The following SORCS2 variants were observed in gnomAD, a reference collection of about 807,000 sequenced individuals.
The protein encoded by SORCS2 is sortilin related VPS10 domain containing receptor 2, also known as VPS10 domain-containing receptor SorCS2.
In SORCS2, 100 loss-of-function variants were observed where a neutral mutation model predicts 141.6. The ratio of observed to expected loss-of-function variants is 0.71; its 90% confidence interval spans 0.60 to 0.83. The LOEUF (loss-of-function observed/expected upper bound fraction) is 0.83. Ranked by LOEUF, SORCS2 falls within the 40% of genes least tolerant of loss-of-function variation. The pLI, the probability that SORCS2 is intolerant of heterozygous loss-of-function variation, is 0.00. For synonymous variants in SORCS2, 789 were observed against 676.9 expected, an observed-to-expected ratio of 1.17 and a Z score of -2.57; for missense variants, 1,646 against 1,560.2, an observed-to-expected ratio of 1.05 and a Z score of -0.93.
At chr4:7,698,853 G>GTT (rs758636989) in intron 12 of SORCS2, among the ~76,000 whole-genome samples, 4,335 of 149,548 alleles carry the variant, frequency 0.029, 103 homozygotes, top group Middle Eastern at 0.058. Flanking sequence ...GCTCCTGTGG[G>GTT]TTTTTTTTTA....
rs1285376352 is a variant in SORCS2 at position 7,255,878 on chromosome 4, G to A, written c.480+62752G>A. On this transcript the variant is annotated intron_variant, in intron 1 of 26. Coordinates refer to ENST00000507866, the MANE Select transcript of SORCS2 (RefSeq NM_020777.3). ...CCGGGGCTGGAGCGTGGGGCCCCGG[G>A]GCTGGAGCGTGGGGACCCGGGGCTG... 6.5e-5 allele frequency among the ~76,000 whole-genome samples: 3 copies of A among 46,112 alleles called. No homozygotes were observed. In the East Asian group the frequency reaches 1.4e-3, roughly 22 times the overall value. The allele number at this position is 46,112 out of a possible 152,430, so 30.3% of individuals were successfully genotyped here.
chr4:7,281,305 T>A (rs1255085229), intron 1 of SORCS2, among the ~76,000 whole-genome samples: 2 of 152,136 alleles, frequency 1.3e-5, no homozygotes, highest in African/African-American at 4.8e-5. Flanking sequence ...CCATCTCCGC[T>A]TGTCGGTGAT....
At chr4:7,716,341 C>T (rs935723527) in intron 17 of SORCS2, among the ~76,000 whole-genome samples, 1 of 152,176 alleles carries the variant, frequency 6.6e-6, no homozygotes, top group Admixed American at 6.5e-5. Context: ...TGCAATCACT[C>T]GTTCATCTCC....
chr4:7,723,000 A>G (rs1014019155), intron 18 of SORCS2, among the ~76,000 whole-genome samples: 23 of 152,092 alleles, frequency 1.5e-4, no homozygotes, highest in Non-Finnish European at 7.4e-5. Context: ...ATCATGAGCC[A>G]TAAATCGAAG....
intron 1 of SORCS2, among the ~76,000 whole-genome samples, chr4:7,269,265 T>C (rs1421702337): frequency 6.6e-6 from 1 of 152,196 alleles, no homozygotes; most frequent in East Asian, 1.9e-4. Context: ...ACAGCAAAGG[T>C]CCTGAGTGAG....
chr4:7,704,313 T>TG, intron 14 of SORCS2, 29 bp downstream of exon 14: 2 of 1,575,292 alleles, frequency 1.3e-6, no homozygotes, highest in Non-Finnish European at 1.7e-6. Context: ...GAGTGGGCAC[T>TG]GGTGGCAGGG....
intron 1 of SORCS2, among the ~76,000 whole-genome samples, chr4:7,339,899 G>A (rs186873570): frequency 6.6e-6 from 1 of 152,206 alleles, no homozygotes; most frequent in Non-Finnish European, 1.5e-5. Flanking sequence ...CCCAACCCAG[G>A]CTCTGCCAAG....
rs1174722243 is a variant in SORCS2, at chr4:7,210,025, C to T, written c.480+16899C>T. ...ACGGGAGCAGATGGTGACTTGGGGG[C>T]CCCAGGGCAAGAGCCCATGTCGGGG... On this transcript the variant is annotated intron_variant, in intron 1 of 26. Transcript: ENST00000507866. Among the ~76,000 whole-genome samples, 3 of 152,180 alleles carry T rather than the reference C, an allele frequency of 2.0e-5. No individual in the cohort carries two copies. In the East Asian group the frequency reaches 5.8e-4, roughly 29 times the overall value.
intron 3 of SORCS2, among the ~76,000 whole-genome samples, chr4:7,584,990 GTGAC>G (rs1209456453): frequency 6.6e-6 from 1 of 152,152 alleles, no homozygotes; most frequent in Admixed American, 6.5e-5. Context: ...GATTCCCGGC[GTGAC>G]TGCATTTCTC....
At chr4:7,408,411 AAAAT>A (rs1725111066) in intron 2 of SORCS2, among the ~76,000 whole-genome samples, 1 of 150,968 alleles carries the variant, frequency 6.6e-6, no homozygotes, top group Non-Finnish European at 1.5e-5. Flanking sequence ...TAGCACTTTG[AAAAT>A]GTCTTTCCAC....
chr4:7,701,671 G>T (rs1725096531), intron 12 of SORCS2, among the ~76,000 whole-genome samples: 1 of 152,152 alleles, frequency 6.6e-6, no homozygotes, highest in African/African-American at 2.4e-5. Context: ...TGGCCTGCCG[G>T]CCCCCACCCA....
At chr4:7,713,854 G>A (rs1261882719) in intron 15 of SORCS2, among the ~76,000 whole-genome samples, 2 of 152,192 alleles carry the variant, frequency 1.3e-5, no homozygotes, top group African/African-American at 4.8e-5. Flanking sequence ...GGAGATGGGG[G>A]TAGGCCTGTC....
intron 2 of SORCS2, among the ~76,000 whole-genome samples, chr4:7,484,253 G>A (rs559272361): frequency 2.6e-5 from 4 of 152,322 alleles, no homozygotes; most frequent in East Asian, 3.9e-4. Context: ...CGAGGTGATC[G>A]ATTTAGGTGT....
At chr4:7,581,614 A>G (rs1716150802) in intron 3 of SORCS2, among the ~76,000 whole-genome samples, 1 of 152,198 alleles carries the variant, frequency 6.6e-6, no homozygotes, top group Non-Finnish European at 1.5e-5. Flanking sequence ...GAGGCCCAGC[A>G]AACTCCACCC....
At chr4:7,475,848 A>G (rs1393253024) in intron 2 of SORCS2, among the ~76,000 whole-genome samples, 1 of 152,264 alleles carries the variant, frequency 6.6e-6, no homozygotes, top group African/African-American at 2.4e-5. Context: ...CACTCAGGCC[A>G]GGCCTCCATC....
intron 10 of SORCS2, 44 bp downstream of exon 10, chr4:7,682,933 G>A (rs1723619238): frequency 1.9e-6 from 3 of 1,594,316 alleles, no homozygotes; most frequent in Non-Finnish European, 2.6e-6. Flanking sequence ...TGGCGTGGAT[G>A]CTAGATATAA....
chr4:7,433,852 T>G, intron 2 of SORCS2: 1 of 1,613,882 alleles, frequency 6.2e-7, no homozygotes, highest in Non-Finnish European at 8.5e-7. Flanking sequence ...GGAGGGGCTG[T>G]AGGTGTCCAC....
chr4:7,704,368 C>T (rs1725281957), intron 14 of SORCS2, 84 bp downstream of exon 14: 1 of 1,221,814 alleles, frequency 8.2e-7, no homozygotes, highest in Non-Finnish European at 1.1e-6. Flanking sequence ...TCCTTCACCC[C>T]CCAGCCACCT....
At chr4:7,636,904 C>T (rs1381597321) in intron 3 of SORCS2, among the ~76,000 whole-genome samples, 1 of 152,096 alleles carries the variant, frequency 6.6e-6, no homozygotes, top group African/African-American at 2.4e-5. Context: ...CTGGTTCCTT[C>T]TAGGGGCTCA....
Sources: gnomAD v4.1 joint callset for allele counts (sites outside exome capture counted in the v4.1 genomes callset) on GRCh38, gnomAD v4.1.1 for gene constraint, MANE v1.5 for transcripts, NCBI Gene and HGNC (gene_info 2026-07-23, HGNC 2026-07-21) for gene names.